The following GART variants were observed in gnomAD, a reference collection of about 807,000 sequenced individuals.
GART encodes trifunctional purine biosynthetic protein adenosine-3.
Under a neutral mutation model 107.2 loss-of-function variants are expected in GART, and 43 were observed. The ratio of observed to expected loss-of-function variants is 0.40; its 90% CI spans 0.31 to 0.52. The LOEUF (loss-of-function observed/expected upper bound fraction) is 0.52, where lower values mean the gene tolerates loss of function less well. GART is among the 20% of genes least tolerant of loss of function. GART has a pLI of 0.52. For synonymous variants in GART, 434 were observed against 427.0 expected, an observed-to-expected ratio of 1.02 and a Z score of -0.20; for missense variants, 1,107 against 1,206.5, an observed-to-expected ratio of 0.92 and a Z score of 1.22.
intron 17 of GART, among the ~76,000 whole-genome samples, chr21:33,510,806 G>A (rs956943330): frequency 2.0e-5 from 3 of 151,488 alleles, no homozygotes; most frequent in Non-Finnish European, 1.5e-5. Context: ...TCTCTGTATC[G>A]TTCCAATTTT....
chr21:33,506,075 T>C lies in GART; in HGVS notation c.2482A>G (p.Thr828Ala), dbSNP rs1403291478. 2.5e-6 allele frequency: 4 copies of C among 1,614,056 alleles called. No homozygotes were observed. In the South Asian group the frequency reaches 4.4e-5, roughly 18 times the overall value. ...GSNLQALIDS[T>A]REPNSSAQID... ...TGTGCAGAGCTATTTGGTTCCCGAG[T>C]ACTGTCTATAAGTGCTTGCAGGTTC... is the stretch of plus-strand genomic sequence containing the variant. The change falls in exon 19 of 22, where the codon ACT becomes GCT. Residue 828 changes from threonine to alanine, a missense_variant. By Grantham distance (58) the Thr-to-Ala change is moderately conservative (BLOSUM62 0). Coordinates refer to ENST00000381815, the MANE Select transcript of GART (RefSeq NM_000819.5).
chr21:33,531,569 ATTTTTTTTTT>A lies in GART; in HGVS notation c.529-22_529-13del, dbSNP rs540416206. The A allele has an allele frequency of 1.4e-6, 2 of 1,412,216 alleles. No homozygotes were observed. Among genetic ancestry groups the A allele is most frequent in the Non-Finnish European group, 1.9e-6 (2 of 1,058,526 alleles). 87.5% of individuals were successfully genotyped at this position (1,412,216 alleles called of 1,614,324 possible). ...CCAAAGGCTTTCTCCTGATTGTAAGATTTTTTTTTTTTTTTTTTTTAAAAAAAGAGGCTTG... is the reference window on the plus strand; with the variant it reads ...CCAAAGGCTTTCTCCTGATTGTAAGATTTTTTTTTTAAAAAAAGAGGCTTG... On this transcript the variant is annotated splice_polypyrimidine_tract_variant and intron_variant, in intron 5 of 21. Coordinates refer to ENST00000381815, the MANE Select transcript of GART (RefSeq NM_000819.5).
chr21:33,521,699 C>A (rs2084976983), intron 12 of GART, among the ~76,000 whole-genome samples: 1 of 149,154 alleles, frequency 6.7e-6, no homozygotes, highest in Non-Finnish European at 1.5e-5. Context: ...GTGGCTCATG[C>A]CTATAATCCC....
chr21:33,505,812 TAGAG>T lies in GART; in HGVS notation c.2584-114_2584-111del, dbSNP rs1017112913. 9.0e-6 allele frequency: 12 copies of T among 1,329,648 alleles called. No homozygotes were observed. In the Admixed American group the frequency reaches 9.5e-5, roughly 11 times the overall value. 82.4% of individuals were successfully genotyped at this position (1,329,648 alleles called of 1,614,324 possible). On this transcript the variant is annotated intron_variant, in intron 19 of 21. Coordinates refer to ENST00000381815, the MANE Select transcript of GART (RefSeq NM_000819.5). ...CACTTCCTTGTAAAGATATACCTGA[TAGAG>T]AGATTATTAAGAAAGGGACAGGATG... is the stretch of plus-strand genomic sequence containing the variant.
At chr21:33,506,138 C>G (rs760634396) in intron 18 of GART, 34 bp from the exon 19 acceptor site, 4 of 1,573,940 alleles carry the variant, frequency 2.5e-6, no homozygotes, top group Non-Finnish European at 3.4e-6. Context: ...TGAGCTCATA[C>G]TACTACTTCT....
intron 6 of GART, chr21:33,531,091 T>C (rs1435330265): frequency 7.2e-6 from 3 of 414,034 alleles, no homozygotes; most frequent in African/African-American, 2.1e-5. Flanking sequence ...TTTGTAATTT[T>C]TGAGGGAAGT....
rs754723198 is a variant in GART, at chr21:33,517,407, G to C, written c.1904C>G (p.Ser635Cys). ...AGGTGCTGGAGAGGAGTACTGGAGG[G>C]AAGATTTTGCCACGATTTTCCTCAC... is the stretch of plus-strand genomic sequence containing the variant. ...SLVRKIVAKS[S>C]LQYSSPAPDG... Residue 635 changes from serine (S) to cysteine (C), a missense_variant, in exon 15 of 22, where the codon TCC becomes TGC. Transcript: ENST00000381815. 8.1e-6 allele frequency: 13 copies of C among 1,614,158 alleles called. No individual in the cohort carries two copies. Among genetic ancestry groups the C allele is most frequent in the Admixed American group, 1.7e-5 (1 of 60,012 alleles).
chr21:33,523,753 G>A (rs576391628), intron 11 of GART, among the ~76,000 whole-genome samples: 17 of 152,016 alleles, frequency 1.1e-4, no homozygotes, highest in South Asian at 1.0e-3. Flanking sequence ...GATCACCTGA[G>A]GTCAGGAGTT....
Position 33,503,952 on chromosome 21 carries a change from ACTAGT to A in GART, c.*167_*171del. On this transcript the variant is annotated 3_prime_UTR_variant, in exon 22 of 22. Transcript: ENST00000381815. The stretch of plus-strand genomic sequence containing the variant: ...TGTATGTCTCAGATATGCTGCACTA[ACTAGT>A]CTTGTTTTTAGTGAGTCTCTATTTA... The A allele has an allele frequency of 1.8e-6, 1 of 546,994 alleles. No homozygotes were observed. 33.9% of individuals were successfully genotyped at this position (546,994 alleles called of 1,614,324 possible).
At chr21:33,511,601 C>G (rs2145687464) in intron 16 of GART, 143 bp from the exon 17 acceptor site, 1 of 820,450 alleles carries the variant, frequency 1.2e-6, no homozygotes. Flanking sequence ...CCTCTGAGAA[C>G]TTTTTATTTG....
intron 16 of GART, among the ~76,000 whole-genome samples, chr21:33,515,675 A>AC (rs2084863880): frequency 6.8e-6 from 1 of 148,106 alleles, no homozygotes; most frequent in African/African-American, 2.5e-5. Flanking sequence ...AAAAAAAAAA[A>AC]CGAAAAACAA....
intron 10 of GART, among the ~76,000 whole-genome samples, chr21:33,526,091 G>A (rs908913760): frequency 5.9e-5 from 9 of 151,942 alleles, no homozygotes; most frequent in East Asian, 3.9e-4. Context: ...GGATGGTCTC[G>A]ATCTCCTGAC....
chr21:33,520,632 G>A, intron 13 of GART, 70 bp from the exon 14 acceptor site: 2 of 1,370,202 alleles, frequency 1.5e-6, no homozygotes, highest in Non-Finnish European at 2.0e-6. Flanking sequence ...CATTTGATTA[G>A]CTGCTCTTAA....
chr21:33,534,710 G>T lies in GART; in HGVS notation c.285C>A (p.Gly95=). The change falls in exon 4 of 22, where the codon GGC becomes GGA. Residue 95 remains glycine, a synonymous_variant. Coordinates refer to ENST00000381815, the MANE Select transcript of GART (RefSeq NM_000819.5). The stretch of plus-strand genomic sequence containing the variant: ...CTAACTGAGCCGCTTCTGCTGTTGG[G>T]CCAAAGCATTGCACTCCTGCAGACC... ...NLRSAGVQCF[G]PTAEAAQLES... 1 of 1,610,266 alleles carries T rather than the reference G, an allele frequency of 6.2e-7. No individual in the cohort carries two copies.
intron 4 of GART, among the ~76,000 whole-genome samples, chr21:33,533,198 G>A (rs964433301): frequency 6.6e-6 from 1 of 152,076 alleles, no homozygotes; most frequent in Non-Finnish European, 1.5e-5. Context: ...CCAGCACTTT[G>A]GGAGGCCGAG....
In GART at chr21:33,535,202, C is replaced by A. The variant is rs1417811105; in HGVS notation, c.241+23G>T. On this transcript the variant is annotated intron_variant, in intron 3 of 21. Coordinates refer to ENST00000381815, the MANE Select transcript of GART (RefSeq NM_000819.5). Reference sequence around the variant, plus strand: ...TCTGTTTGCACTGAATATACTGTAACAATAAACAGAAACAAACTTTACCAG... The same window carrying A: ...TCTGTTTGCACTGAATATACTGTAAAAATAAACAGAAACAAACTTTACCAG... 2.7e-6 allele frequency: 4 copies of A among 1,465,418 alleles called. No homozygotes were observed. The Admixed American group carries it at 6.4e-5, about 23-fold the overall frequency. The allele number at this position is 1,465,418 out of a possible 1,614,324, so 90.8% of individuals were successfully genotyped here.
Position 33,524,834 on chromosome 21 carries a change from CTT to C in GART, c.1231_1232del (p.Lys411ValfsTer2). The C allele has an allele frequency of 1.9e-6, 3 of 1,614,240 alleles. No homozygotes were observed. Among genetic ancestry groups the C allele is most frequent in the Non-Finnish European group, 2.5e-6 (3 of 1,180,034 alleles). ...CTTTCCTATAAATTGCTCCCTCAAA[CTT>C]TATAGCAGCTAGTCCTTTCTTGGCT... is the stretch of plus-strand genomic sequence containing the variant. ...EEAKKGLAAI[K>X]FEGAIYRKDV... On this transcript the variant is annotated frameshift_variant, in exon 11 of 22. Transcript: ENST00000381815. LOFTEE classifies it high-confidence loss of function.
intron 15 of GART, 30 bp from the exon 16 acceptor site, chr21:33,517,171 T>C: frequency 6.3e-7 from 1 of 1,586,278 alleles, no homozygotes; most frequent in Non-Finnish European, 8.5e-7. Flanking sequence ...GACAAAAACT[T>C]AGCCTATGAA....
In GART at chr21:33,534,634, T is replaced by C. The variant is rs138885758; in HGVS notation, c.361A>G (p.Thr121Ala). 7.4e-6 allele frequency: 12 copies of C among 1,614,098 alleles called. No homozygotes were observed. The highest frequency in any genetic ancestry group is 3.3e-5 in the Admixed American group (2 of 59,998). The stretch of plus-strand genomic sequence containing the variant: ...TTGGTGAAAGCCTTCCATTGTGCGG[T>C]TGGGATTCCATGTCTGTCCATAAAC... Reference protein sequence around the residue: ...KEFMDRHGIPTAQWKAFTKPE... With the variant: ...KEFMDRHGIPAAQWKAFTKPE... Residue 121 changes from threonine (T) to alanine (A), a missense_variant, in exon 4 of 22, where the codon ACC (threonine) becomes GCC (alanine). Coordinates refer to ENST00000381815, the MANE Select transcript of GART (RefSeq NM_000819.5).
Sources: allele counts gnomAD v4.1 joint callset (sites outside exome capture counted in the v4.1 genomes callset), GRCh38; gene constraint gnomAD v4.1.1; transcripts MANE v1.5; gene names NCBI Gene and HGNC (gene_info 2026-07-23, HGNC 2026-07-21).